Variants in QTRT1 observed in about 807,000 individuals in gnomAD.
The protein encoded by QTRT1 is queuine tRNA-ribosyltransferase catalytic subunit 1.
A neutral mutation model predicts 44.0 loss-of-function variants in QTRT1; 41 were observed. The ratio of observed to expected loss-of-function variants is 0.93; its 90% CI spans 0.73 to 1.21. The LOEUF is 1.21. Among genes scored for constraint, QTRT1 ranks in the 50% most tolerant of loss-of-function variants. The pLI is 0.00. For missense variants in QTRT1, 542 were observed against 575.8 expected (o/e 0.94, Z 0.60); for synonymous variants, 226 against 237.1 (o/e 0.95, Z 0.43).
At chr19:10,704,933 TG>T (rs1163538724) in intron 3 of QTRT1, among the ~76,000 whole-genome samples, 46 of 148,040 alleles carry the variant, frequency 3.1e-4, no homozygotes, top group African/African-American at 1.1e-3. Context: ...TTTTTTTTTT[TG>T]ATGTGGAATC....
rs142070672 is a variant in QTRT1 at position 10,701,517 on chromosome 19, G to A, written c.57G>A (p.Leu19=). ...AGTCGGCCCCACGGATCATGCGGCTGGTGGCCGAATGCAGCCGCTCCAGGG... is the reference window on the plus strand; with the variant it reads ...AGTCGGCCCCACGGATCATGCGGCTAGTGGCCGAATGCAGCCGCTCCAGGG... ...SLESAPRIMR[L]VAECSRSRAR... The change falls in exon 1 of 10, where the codon CTG becomes CTA. Residue 19 remains leucine (L), a synonymous_variant. Coordinates refer to ENST00000250237, the MANE Select transcript of QTRT1 (RefSeq NM_031209.3). 2.6e-4 allele frequency: 421 copies of A among 1,594,356 alleles called. No individual in the cohort carries two copies. Among genetic ancestry groups the A allele is most frequent in the Admixed American group, 3.8e-4 (22 of 58,592 alleles).
intron 3 of QTRT1, among the ~76,000 whole-genome samples, chr19:10,704,195 C>T (rs987070722): frequency 5.9e-5 from 9 of 151,996 alleles, no homozygotes; most frequent in Admixed American, 5.3e-4. Flanking sequence ...CTGGGCTGGT[C>T]TTGAACTCCT....
At chr19:10,705,690 C>T (rs1375756956) in intron 3 of QTRT1, among the ~76,000 whole-genome samples, 4 of 151,660 alleles carry the variant, frequency 2.6e-5, no homozygotes, top group African/African-American at 7.3e-5. Context: ...TGCATGCCAC[C>T]ATGCCGGGCT....
At chr19:10,710,388 C>T (rs1185434000) in intron 5 of QTRT1, among the ~76,000 whole-genome samples, 4 of 151,982 alleles carry the variant, frequency 2.6e-5, no homozygotes, top group Non-Finnish European at 5.9e-5. Context: ...ACCATCTCGG[C>T]TCACTGCAAC....
chr19:10,713,090 G>A lies in QTRT1; in HGVS notation c.1060-28G>A, dbSNP rs745885774. 8 of 1,608,572 alleles carry A rather than the reference G, an allele frequency of 5.0e-6. No individual in the cohort carries two copies. In the South Asian group the frequency reaches 6.6e-5, roughly 13 times the overall value. ...GGGCGGGGGTGTCCTAGGTGCGTAT[G>A]CCCCACGCTGACCTCCCCTCCCCGC... On this transcript the variant is annotated intron_variant, in intron 9 of 9. Coordinates refer to ENST00000250237, the MANE Select transcript of QTRT1 (RefSeq NM_031209.3). This position sits in a 1 kb window ranked among gnomAD's most constrained non-coding sequence, Gnocchi z 4.3.
chr19:10,707,588 G>T lies in QTRT1; in HGVS notation c.619G>T (p.Ala207Ser). The change falls in exon 5 of 10, where the codon GCA becomes TCA. Residue 207 changes from alanine to serine, a missense_variant. Coordinates refer to ENST00000250237, the MANE Select transcript of QTRT1 (RefSeq NM_031209.3). ...CGCCATTATCCAGGGTGGGCTGGAC[G>T]CAGATCTCCGGGCCACCTGCCTTGA... ...LFAIIQGGLD[A>S]DLRATCLEEM... 6.2e-7 allele frequency: 1 copy of T among 1,608,678 alleles called. No individual in the cohort carries two copies. Among genetic ancestry groups the T allele is most frequent in the South Asian group, 1.1e-5 (1 of 90,806 alleles).
At chr19:10,701,809 T>C (rs1025702884) in intron 1 of QTRT1, 106 bp downstream of exon 1, 1 of 1,572,972 alleles carries the variant, frequency 6.4e-7, no homozygotes, top group Middle Eastern at 2.0e-4. Context: ...ATCGACCAGC[T>C]GTATTGAGCG....
chr19:10,707,679 G>A lies in QTRT1; in HGVS notation c.646+64G>A, dbSNP rs981363401. On this transcript the variant is annotated intron_variant, in intron 5 of 9. Coordinates refer to ENST00000250237, the MANE Select transcript of QTRT1 (RefSeq NM_031209.3). ...GCGGAGGTCCCCACATGGGCCTGGC[G>A]TATGGCGGGACTGGATTGCTAATGT... 1.2e-4 allele frequency: 148 copies of A among 1,229,860 alleles called. 2 individuals are homozygous for A. Among genetic ancestry groups the A allele is most frequent in the Middle Eastern group, 7.9e-4 (4 of 5,048 alleles). The allele number at this position is 1,229,860 out of a possible 1,614,324, so 76.2% of individuals were successfully genotyped here.
intron 3 of QTRT1, among the ~76,000 whole-genome samples, chr19:10,704,589 C>T (rs1052509712): frequency 3.3e-5 from 5 of 150,984 alleles, no homozygotes; most frequent in Non-Finnish European, 7.4e-5. Flanking sequence ...CCACCGCACC[C>T]GGCCTCTTTT....
intron 3 of QTRT1, among the ~76,000 whole-genome samples, chr19:10,704,657 G>A (rs1356468316): frequency 6.6e-6 from 1 of 151,334 alleles, no homozygotes; most frequent in Admixed American, 6.6e-5. Flanking sequence ...GCGCAATCTC[G>A]GCTCACAGCA....
chr19:10,704,536 C>T (rs958642284), intron 3 of QTRT1, among the ~76,000 whole-genome samples: 3 of 151,184 alleles, frequency 2.0e-5, no homozygotes, highest in African/African-American at 2.4e-5. Flanking sequence ...CCTCGTGATT[C>T]GCCCATCTCG....
intron 5 of QTRT1, chr19:10,711,851 A>T: frequency 6.4e-6 from 3 of 470,408 alleles, no homozygotes; most frequent in Non-Finnish European, 7.7e-6. Flanking sequence ...CAACAGTTTC[A>T]GCTAAGGGAC....
chr19:10,706,938 G>A (rs555910538), intron 3 of QTRT1: 9 of 249,110 alleles, frequency 3.6e-5, no homozygotes, highest in East Asian at 1.1e-4. Context: ...CTGCCTCGGC[G>A]TCCCCAAGTG....
intron 3 of QTRT1, among the ~76,000 whole-genome samples, chr19:10,706,454 C>A (rs921594691): frequency 6.6e-6 from 1 of 152,100 alleles, no homozygotes; most frequent in African/African-American, 2.4e-5. Flanking sequence ...CTCACCGCAA[C>A]CTCCGTCTTC....
rs375694731 is a variant in QTRT1 at position 10,703,022 on chromosome 19, G to A, written c.451+768G>A. On this transcript the variant is annotated intron_variant, in intron 3 of 9. Coordinates refer to ENST00000250237, the MANE Select transcript of QTRT1 (RefSeq NM_031209.3). ...GAGCTCAGGTGATCCGCCTGCCTCGGCCTCCCAGAGTGCTGGGATTCCAGG... is the reference window on the plus strand; with the variant it reads ...GAGCTCAGGTGATCCGCCTGCCTCGACCTCCCAGAGTGCTGGGATTCCAGG... 3.6e-3 allele frequency among the ~76,000 whole-genome samples: 542 copies of A among 149,660 alleles called. 9 individuals carry two copies. Among genetic ancestry groups the A allele is most frequent in the South Asian group, 0.031 (145 of 4,720 alleles).
Position 10,704,178 on chromosome 19 carries a change from A to G in QTRT1, c.451+1924A>G, listed in dbSNP as rs537815141. ...TTTTTGTAGAGATTAGAGTCTCACT[A>G]CATTATCTGGGCTGGTCTTGAACTC... On this transcript the variant is annotated intron_variant, in intron 3 of 9. Transcript: ENST00000250237. Among the ~76,000 whole-genome samples the G allele has an allele frequency of 4.4e-3, 662 of 151,972 alleles. 5 individuals are homozygous for G. The highest frequency in any genetic ancestry group is 0.015 in the African/African-American group (633 of 41,440).
At chr19:10,704,712 C>T (rs901928203) in intron 3 of QTRT1, among the ~76,000 whole-genome samples, 7 of 151,858 alleles carry the variant, frequency 4.6e-5, no homozygotes, top group East Asian at 1.9e-4. Context: ...CTCAGCCTCC[C>T]GAGTAGCTGG....
Position 10,712,701 on chromosome 19 carries a change from GGTGGGGA to G in QTRT1, c.862-55_862-49del. 1.6e-6 allele frequency: 1 copy of G among 610,620 alleles called. No homozygotes were observed. The highest frequency in any genetic ancestry group is 3.0e-6 in the Non-Finnish European group (1 of 337,944). 37.8% of individuals were successfully genotyped at this position (610,620 alleles called of 1,614,324 possible). On this transcript the variant is annotated intron_variant, in intron 7 of 9. Transcript: ENST00000250237. This position sits in a 1 kb window ranked among gnomAD's most constrained non-coding sequence, Gnocchi z 5.6. ...TAGGGAGGCAAGGTTAGGGGTGGGG[GGTGGGGA>G]GAATGAAGCCCTGGGTGACGCCCCT... is the stretch of plus-strand genomic sequence containing the variant.
At chr19:10,705,717 G>A (rs991308897) in intron 3 of QTRT1, among the ~76,000 whole-genome samples, 1 of 151,186 alleles carries the variant, frequency 6.6e-6, no homozygotes, top group South Asian at 2.1e-4. Context: ...TGTATTTGTT[G>A]TAGAGACAGG....
Sources: gnomAD v4.1 joint callset for allele counts (sites outside exome capture counted in the v4.1 genomes callset) on GRCh38, gnomAD v4.1.1 for gene constraint, Gnocchi (gnomAD v3.1) non-coding constraint, MANE v1.5 for transcripts, NCBI Gene and HGNC (gene_info 2026-07-23, HGNC 2026-07-21) for gene names.